The following OR52N4 variants were observed in gnomAD, a reference collection of about 807,000 sequenced individuals.
OR52N4 encodes olfactory receptor family 52 subfamily N member 4.
In OR52N4, 15 loss-of-function variants were observed where a neutral mutation model predicts 15.0. That is an observed-to-expected ratio of 1.00 (90% CI 0.67 to 1.54). The LOEUF (loss-of-function observed/expected upper bound fraction) is 1.54, where lower values mean the gene tolerates loss of function less well. Ranked by LOEUF, OR52N4 falls within the 40% of genes most tolerant of loss-of-function variation. The pLI, the probability that OR52N4 is intolerant of heterozygous loss-of-function variation, is 0.00. For missense variants in OR52N4, 421 were observed against 394.0 expected (o/e 1.07, Z -0.58); for synonymous variants, 143 against 143.7 (o/e 1.00, Z 0.03).
the OR52N4 span, chr11:5,736,270 G>C: frequency 4.1e-6 from 2 of 485,850 alleles, no homozygotes; most frequent in Admixed American, 6.8e-5. Flanking sequence ...AAATGATGTA[G>C]CTATAAATTT....
the OR52N4 span, among the ~76,000 whole-genome samples, chr11:5,741,883 G>A: frequency 2.0e-5 from 3 of 152,142 alleles, no homozygotes. Flanking sequence ...TTAATAGGCA[G>A]CCAACAAGGG....
chr11:5,738,433 G>A, the OR52N4 span: 1 of 150,498 alleles, frequency 6.6e-6, no homozygotes, highest in East Asian at 2.0e-4. Context: ...TAGTCTCTGA[G>A]TGCCCAGCAT....
upstream of OR52N4, among the ~76,000 whole-genome samples, chr11:5,753,737 A>T (rs899859199): frequency 1.3e-5 from 2 of 152,180 alleles, no homozygotes; most frequent in Non-Finnish European, 2.9e-5. Context: ...TCATGCCTGT[A>T]ATCCCAGCAC....
upstream of OR52N4, among the ~76,000 whole-genome samples, chr11:5,750,230 A>T (rs1297119456): frequency 1.3e-5 from 2 of 151,998 alleles, no homozygotes; most frequent in East Asian, 3.8e-4. Flanking sequence ...TAACACATGG[A>T]TACTTATTTC....
chr11:5,740,199 C>G, the OR52N4 span, among the ~76,000 whole-genome samples: 1 of 126,958 alleles, frequency 7.9e-6, no homozygotes, highest in African/African-American at 2.8e-5. Context: ...TCCCCTAGTA[C>G]AAGGAATTGA....
At chr11:5,737,138 C>T in the OR52N4 span, 2 of 1,613,850 alleles carry the variant, frequency 1.2e-6, no homozygotes, top group African/African-American at 2.7e-5. Context: ...CAGCATTTGC[C>T]AGTTGGTTCT....
rs780324701 is a variant in OR52N4 at position 5,754,923 on chromosome 11, G to A, written c.183G>A (p.Met61Ile). The A allele has an allele frequency of 1.2e-6, 2 of 1,613,650 alleles. No homozygotes were observed. Among genetic ancestry groups the A allele is most frequent in the Admixed American group, 1.7e-5 (1 of 59,952 alleles). ...ATGAGGATGCCCTGCACAAACCCAT[G>A]TACTACTTCTTGGCCATGCTTTCCT... ...IHYEDALHKP[M>I]YYFLAMLSFT... is the part of the protein sequence containing the mutation. The change falls in exon 2 of 2, where the codon ATG (methionine) becomes ATA (isoleucine). Residue 61 changes from methionine (M) to isoleucine (I), a missense_variant. By Grantham distance (10) the Met-to-Ile change is conservative (BLOSUM62 1). Transcript: ENST00000641350.
the OR52N4 span, among the ~76,000 whole-genome samples, chr11:5,729,114 A>AT: frequency 0.02 from 1,650 of 82,780 alleles, 115 homozygotes; most frequent in Middle Eastern, 0.065. Flanking sequence ...TTAAATTGAG[A>AT]TTTTTTTTTT....
chr11:5,728,717 T>C, the OR52N4 span, among the ~76,000 whole-genome samples: 1 of 152,214 alleles, frequency 6.6e-6, no homozygotes, highest in Non-Finnish European at 1.5e-5. Flanking sequence ...CTGTCAGGAA[T>C]ATAAGTGTTT....
the OR52N4 span, chr11:5,738,353 G>A: frequency 6.6e-6 from 1 of 152,284 alleles, no homozygotes; most frequent in South Asian, 2.1e-4. Flanking sequence ...CAGCTTTTAT[G>A]GAAATATAGT....
At chr11:5,746,518 A>T in the OR52N4 span, among the ~76,000 whole-genome samples, 1 of 152,202 alleles carries the variant, frequency 6.6e-6, no homozygotes, top group African/African-American at 2.4e-5. Flanking sequence ...CTTTCTTTTC[A>T]AAAGAAAATA....
At chr11:5,734,208 A>G in the OR52N4 span, 3 of 456,102 alleles carry the variant, frequency 6.6e-6, no homozygotes, top group South Asian at 3.1e-5. Context: ...CTAGGATCCC[A>G]GACTGTGAGT....
At chr11:5,736,516 C>A in the OR52N4 span, 214 of 1,612,784 alleles carry the variant, frequency 1.3e-4, 1 homozygote, top group African/African-American at 2.3e-3. Flanking sequence ...CATGTTGAAT[C>A]ATGAATCATA....
the OR52N4 span, among the ~76,000 whole-genome samples, chr11:5,745,258 T>C: frequency 6.6e-6 from 1 of 152,138 alleles, no homozygotes; most frequent in Non-Finnish European, 1.5e-5. Flanking sequence ...AGTCAAACTA[T>C]CTCTATTTGC....
chr11:5,736,978 C>G, the OR52N4 span: 1 of 1,614,098 alleles, frequency 6.2e-7, no homozygotes. Context: ...TAAAAGCTAC[C>G]CTGTTCATGG....
chr11:5,744,523 AT>A, the OR52N4 span, among the ~76,000 whole-genome samples: 2 of 152,250 alleles, frequency 1.3e-5, no homozygotes, highest in African/African-American at 4.8e-5. Flanking sequence ...AGTGGGTCAT[AT>A]TCCAGTGGTG....
the OR52N4 span, among the ~76,000 whole-genome samples, chr11:5,743,241 T>A: frequency 6.6e-6 from 1 of 152,046 alleles, no homozygotes; most frequent in Non-Finnish European, 1.5e-5. Flanking sequence ...ACAAAACAAA[T>A]ACTATTGGAC....
At chr11:5,736,647 A>G in the OR52N4 span, 6 of 1,613,924 alleles carry the variant, frequency 3.7e-6, no homozygotes, top group East Asian at 8.9e-5. Context: ...GCACTACTGT[A>G]TCTCTCAGCA....
the OR52N4 span, among the ~76,000 whole-genome samples, chr11:5,749,160 T>C: frequency 6.6e-6 from 1 of 151,992 alleles, no homozygotes; most frequent in African/African-American, 2.4e-5. Flanking sequence ...ACCAAGATTG[T>C]TAACACCTGG....
Sources: allele counts gnomAD v4.1 joint callset (sites outside exome capture counted in the v4.1 genomes callset), GRCh38; gene constraint gnomAD v4.1.1; transcripts MANE v1.5; gene names NCBI Gene and HGNC (gene_info 2026-07-23, HGNC 2026-07-21).